Variants in BDH1 observed in about 807,000 individuals in gnomAD.
The protein encoded by BDH1 is 3-hydroxybutyrate dehydrogenase 1, also known as D-beta-hydroxybutyrate dehydrogenase, mitochondrial.
Under a neutral mutation model 33.1 loss-of-function variants are expected in BDH1, and 30 were observed. The observed-to-expected ratio is 0.91, with a 90% CI of 0.68 to 1.23. The LOEUF (loss-of-function observed/expected upper bound fraction) is 1.23, where lower values mean the gene tolerates loss of function less well. Among genes scored for constraint, BDH1 ranks in the 50% most tolerant of loss-of-function variants. The probability of loss-of-function intolerance (pLI) is 0.00; values close to 1 mark genes in which losing one functional copy is unlikely to be tolerated. For missense variants in BDH1, 443 were observed against 464.4 expected (o/e 0.95, Z 0.42); for synonymous variants, 190 against 183.6 (o/e 1.03, Z -0.28).
upstream of BDH1, among the ~76,000 whole-genome samples, chr3:197,560,633 C>A (rs1717226927): frequency 6.6e-6 from 1 of 152,156 alleles, no homozygotes; most frequent in South Asian, 2.1e-4. Flanking sequence ...ATAAAAATGG[C>A]CTTGCTGAGG....
rs924337423 is a variant in BDH1 at position 197,510,622 on chromosome 3, G to C, written c.*1273C>G. On this transcript the variant is annotated 3_prime_UTR_variant, in exon 8 of 8. Transcript: ENST00000392379. Reference sequence around the variant, plus strand: ...GGGGTGTGTGTGTGTGTGTGTGTGTGTGTGTGTGTGTGTGTGTGTGTGTGT... The same window carrying C: ...GGGGTGTGTGTGTGTGTGTGTGTGTCTGTGTGTGTGTGTGTGTGTGTGTGT... 1.5e-4 allele frequency: 5 copies of C among 32,830 alleles called. No individual in the cohort carries two copies. Among genetic ancestry groups the C allele is most frequent in the African/African-American group, 9.3e-4 (4 of 4,324 alleles). 2.0% of individuals were successfully genotyped at this position (32,830 alleles called of 1,614,324 possible). A position where few individuals can be genotyped will look rare whatever the true frequency, so the allele number is the denominator to read the frequency against.
chr3:197,511,852 C>A lies in BDH1; in HGVS notation c.*43G>T, dbSNP rs374112979. 5 of 1,511,852 alleles carry A rather than the reference C, an allele frequency of 3.3e-6. No individual in the cohort carries two copies. The highest frequency in any genetic ancestry group is 4.4e-6 in the Non-Finnish European group (5 of 1,124,754). 93.7% of individuals were successfully genotyped at this position (1,511,852 alleles called of 1,614,324 possible). A position where few individuals can be genotyped will look rare whatever the true frequency, so the allele number is the denominator to read the frequency against. On this transcript the variant is annotated 3_prime_UTR_variant, in exon 8 of 8. Coordinates refer to ENST00000392379, the MANE Select transcript of BDH1 (RefSeq NM_203314.3). ...ACTATATGGGTTCCTCCCTCCCCTC[C>A]CCTTCCACCAGGGATCCCTGACAGA...
At chr3:197,549,465 A>T (rs1008431937) in intron 2 of BDH1, among the ~76,000 whole-genome samples, 5 of 152,216 alleles carry the variant, frequency 3.3e-5, no homozygotes, top group African/African-American at 1.2e-4. Flanking sequence ...AGGCAGCAGC[A>T]GGGGCTCCCC....
Position 197,522,805 on chromosome 3 carries a change from T to C in BDH1, c.268-24A>G, listed in dbSNP as rs1713701824. ...TCCTGGGGAGGAGAGAAGAGCTGCT[T>C]CTACCTCCTTCCTTCCCACCCTGAG... On this transcript the variant is annotated intron_variant, in intron 5 of 7. Transcript: ENST00000392379. The surrounding 1 kb of genome is among the most constrained non-coding windows in gnomAD (Gnocchi z 4.8). The C allele has an allele frequency of 6.2e-7, 1 of 1,611,010 alleles. No individual in the cohort carries two copies. Among genetic ancestry groups the C allele is most frequent in the South Asian group, 1.1e-5 (1 of 90,830 alleles).
At chr3:197,518,825 A>G (rs1257256604) in intron 6 of BDH1, among the ~76,000 whole-genome samples, 1 of 21,944 alleles carries the variant, frequency 4.6e-5, no homozygotes, top group Non-Finnish European at 6.9e-5. Context: ...TTCCTGCTCT[A>G]TGGTCTCCAT....
At chr3:197,532,323 GC>G (rs1714739002) in intron 5 of BDH1, 88 bp downstream of exon 5, 3 of 1,109,600 alleles carry the variant, frequency 2.7e-6, no homozygotes, top group Admixed American at 3.9e-5. Flanking sequence ...GCAAAGGTGA[GC>G]CAGTTGTTAG....
At chr3:197,532,359 A>C (rs1171219824) in intron 5 of BDH1, 53 bp downstream of exon 5, 3 of 1,523,148 alleles carry the variant, frequency 2.0e-6, no homozygotes, top group East Asian at 2.3e-5. Flanking sequence ...AAAGACTAAA[A>C]AACAATGACT....
At position 197,554,832 on chromosome 3, in the gene BDH1, C is replaced by A. The variant is rs1716870477; in HGVS notation, c.-195-119G>T. 6.6e-6 allele frequency: 1 copy of A among 152,266 alleles called. No homozygotes were observed. Among genetic ancestry groups the A allele is most frequent in the South Asian group, 2.1e-4 (1 of 4,832 alleles). 9.4% of individuals were successfully genotyped at this position (152,266 alleles called of 1,614,324 possible). A position where few individuals can be genotyped will look rare whatever the true frequency, so the allele number is the denominator to read the frequency against. ...GGACGCACGCCCAAGGCGCCTGGGC[C>A]GCTAGGGACCGACCGGAGCGCTCAA... On this transcript the variant is annotated intron_variant, in intron 1 of 7. Transcript: ENST00000392379. The surrounding 1 kb of genome is among the most constrained non-coding windows in gnomAD (Gnocchi z 4.4).
At chr3:197,562,602 C>G (rs1717302351) in intron 1 of BDH1, among the ~76,000 whole-genome samples, 1 of 152,066 alleles carries the variant, frequency 6.6e-6, no homozygotes, top group Admixed American at 6.5e-5. Context: ...GCATTTTGAG[C>G]CCTCTCAGAG....
chr3:197,565,292 T>C (rs1177504360), intron 1 of BDH1, among the ~76,000 whole-genome samples: 2 of 152,240 alleles, frequency 1.3e-5, no homozygotes, highest in Admixed American at 6.5e-5. Context: ...AGAAGGTTTT[T>C]GCCTTTTTTT....
Position 197,516,173 on chromosome 3 carries a change from T to C in BDH1, c.410-1757A>G, listed in dbSNP as rs983953155. ...CACCTTTCTTTCACCTGCCCCCAGATACAAGTGGCCCCCAATGTCCTGGCC... is the reference window on the plus strand; with the variant it reads ...CACCTTTCTTTCACCTGCCCCCAGACACAAGTGGCCCCCAATGTCCTGGCC... On this transcript the variant is annotated intron_variant, in intron 6 of 7. Coordinates refer to ENST00000392379, the MANE Select transcript of BDH1 (RefSeq NM_203314.3). This position sits in a 1 kb window ranked among gnomAD's most constrained non-coding sequence, Gnocchi z 4.2. 6.6e-6 allele frequency among the ~76,000 whole-genome samples: 1 copy of C among 152,204 alleles called. No individual in the cohort carries two copies. Among genetic ancestry groups the C allele is most frequent in the Admixed American group, 6.5e-5 (1 of 15,284 alleles).
At chr3:197,548,246 C>A (rs2108760475) in intron 2 of BDH1, among the ~76,000 whole-genome samples, 1 of 152,140 alleles carries the variant, frequency 6.6e-6, no homozygotes, top group Admixed American at 6.5e-5. Context: ...ATGGAAGGCA[C>A]AGGCCCACGT....
At position 197,522,908 on chromosome 3, in the gene BDH1, C is replaced by G. The variant is rs1307231032; in HGVS notation, c.268-127G>C. 2.6e-6 allele frequency: 3 copies of G among 1,161,288 alleles called. No individual in the cohort carries two copies. The African/African-American group carries it at 4.6e-5, about 18-fold the overall frequency. The allele number at this position is 1,161,288 out of a possible 1,614,324, so 71.9% of individuals were successfully genotyped here. A position where few individuals can be genotyped will look rare whatever the true frequency, so the allele number is the denominator to read the frequency against. The stretch of plus-strand genomic sequence containing the variant: ...AAGCCTCAGGCATACTGGCAACTGC[C>G]CATGGGCCTGGCCCACCAGCATGCG... On this transcript the variant is annotated intron_variant, in intron 5 of 7. Transcript: ENST00000392379. The surrounding 1 kb of genome is among the most constrained non-coding windows in gnomAD (Gnocchi z 4.8).
intron 1 of BDH1, among the ~76,000 whole-genome samples, chr3:197,569,795 G>T (rs965583153): frequency 2.0e-5 from 3 of 152,172 alleles, no homozygotes; most frequent in African/African-American, 7.2e-5. Flanking sequence ...AAATTACTCA[G>T]TCTTGGGTAT....
At chr3:197,550,081 C>T (rs572332971) in intron 2 of BDH1, among the ~76,000 whole-genome samples, 53 of 152,004 alleles carry the variant, frequency 3.5e-4, no homozygotes, top group African/African-American at 1.2e-3. Flanking sequence ...GTCATGCAAA[C>T]GGGAAACCTG....
At chr3:197,536,703 A>T (rs1418394656) in intron 3 of BDH1, among the ~76,000 whole-genome samples, 2 of 152,062 alleles carry the variant, frequency 1.3e-5, no homozygotes, top group Non-Finnish European at 2.9e-5. Flanking sequence ...CCAGCCGGGC[A>T]TGGTGAGGGG....
At chr3:197,567,094 T>C (rs929279504) in intron 1 of BDH1, among the ~76,000 whole-genome samples, 10 of 152,202 alleles carry the variant, frequency 6.6e-5, no homozygotes, top group African/African-American at 2.4e-4. Flanking sequence ...TCAAAGGACA[T>C]GAGACTTCAC....
chr3:197,520,780 G>A lies in BDH1; in HGVS notation c.409+1860C>T, dbSNP rs1348936090. 2.0e-5 allele frequency among the ~76,000 whole-genome samples: 3 copies of A among 152,200 alleles called. No homozygotes were observed. Among genetic ancestry groups the A allele is most frequent in the Non-Finnish European group, 4.4e-5 (3 of 68,020 alleles). On this transcript the variant is annotated intron_variant, in intron 6 of 7. Transcript: ENST00000392379. The surrounding 1 kb of genome is among the most constrained non-coding windows in gnomAD (Gnocchi z 6.0). ...GAATTTACCGCCAGGGAAGGGCGAA[G>A]CAGGCTGCAGGTTCTGAGCCGGTAA...
chr3:197,543,539 G>A (rs975230379), intron 3 of BDH1, among the ~76,000 whole-genome samples: 5 of 152,238 alleles, frequency 3.3e-5, no homozygotes, highest in African/African-American at 7.2e-5. Flanking sequence ...ATCTGAAATC[G>A]GAGGGCCATG....
Sources: gnomAD v4.1 joint callset for allele counts (sites outside exome capture counted in the v4.1 genomes callset) on GRCh38, gnomAD v4.1.1 for gene constraint, Gnocchi (gnomAD v3.1) non-coding constraint, MANE v1.5 for transcripts, NCBI Gene and HGNC (gene_info 2026-07-23, HGNC 2026-07-21) for gene names.